The following GAREM1 variants were observed in gnomAD, a reference collection of about 807,000 sequenced individuals.
The protein encoded by GAREM1 is GRB2-associated and regulator of MAPK protein 1.
GAREM1 carries 26 observed loss-of-function variants against 71.3 expected under a neutral mutation model. The ratio of observed to expected loss-of-function variants is 0.36; its 90% CI spans 0.27 to 0.51. GAREM1 has a LOEUF of 0.51. Ranked by LOEUF, GAREM1 falls within the 20% of genes least tolerant of loss-of-function variation. GAREM1 has a pLI of 0.95. For missense variants in GAREM1, 1,026 were observed against 1,103.1 expected (o/e 0.93, Z 0.99); for synonymous variants, 440 against 433.2 (o/e 1.02, Z -0.20).
chr18:32,451,904 C>A (rs892636751), intron 1 of GAREM1, among the ~76,000 whole-genome samples: 1 of 152,190 alleles, frequency 6.6e-6, no homozygotes, highest in Non-Finnish European at 1.5e-5. Context: ...GATGCAGTGA[C>A]AGAGCCAGCT....
At chr18:32,339,314 G>A (rs1274708888) in intron 2 of GAREM1, among the ~76,000 whole-genome samples, 1 of 152,158 alleles carries the variant, frequency 6.6e-6, no homozygotes, top group African/African-American at 2.4e-5. Context: ...TAAGTGCCTG[G>A]AAGAAGCACA....
At chr18:32,450,072 A>T (rs1442665841) in intron 1 of GAREM1, among the ~76,000 whole-genome samples, 1 of 152,206 alleles carries the variant, frequency 6.6e-6, no homozygotes, top group Non-Finnish European at 1.5e-5. Context: ...TGCAGCTATA[A>T]AAAGAATATT....
intron 3 of GAREM1, among the ~76,000 whole-genome samples, chr18:32,309,808 CTT>C (rs2047296710): frequency 6.6e-6 from 1 of 152,050 alleles, no homozygotes; most frequent in African/African-American, 2.4e-5. Context: ...TTTTTCCTCT[CTT>C]TCTTTCTTTT....
chr18:32,433,455 A>G (rs1175315654), intron 1 of GAREM1, among the ~76,000 whole-genome samples: 2 of 151,832 alleles, frequency 1.3e-5, no homozygotes, highest in Admixed American at 6.6e-5. Context: ...GACAAAAAAA[A>G]AAAGAAATTA....
intron 4 of GAREM1, among the ~76,000 whole-genome samples, chr18:32,273,735 AAG>A (rs141502703): frequency 8.0e-5 from 12 of 150,826 alleles, no homozygotes; most frequent in African/African-American, 2.7e-4. Flanking sequence ...GAGAGAAAGA[AAG>A]AGAGAGAGAG....
At chr18:32,320,163 C>T (rs1167058715) in intron 2 of GAREM1, among the ~76,000 whole-genome samples, 3 of 152,164 alleles carry the variant, frequency 2.0e-5, no homozygotes, top group African/African-American at 7.2e-5. Flanking sequence ...CATTACCAAA[C>T]TGAAAAATTA....
intron 1 of GAREM1, among the ~76,000 whole-genome samples, chr18:32,439,156 C>T (rs2048710707): frequency 1.3e-5 from 2 of 152,210 alleles, no homozygotes; most frequent in African/African-American, 2.4e-5. Context: ...TCAAGACAAA[C>T]ACCAAGACCG....
chr18:32,437,132 T>C (rs935892177), intron 1 of GAREM1, among the ~76,000 whole-genome samples: 4 of 152,154 alleles, frequency 2.6e-5, no homozygotes, highest in Non-Finnish European at 5.9e-5. Context: ...AATGGGCAAC[T>C]AGCAAGTATA....
At chr18:32,335,252 CA>C (rs1408698373) in intron 2 of GAREM1, among the ~76,000 whole-genome samples, 1 of 152,194 alleles carries the variant, frequency 6.6e-6, no homozygotes, top group East Asian at 1.9e-4. Context: ...TCCAAAGAAT[CA>C]TAGAATGCTA....
At chr18:32,408,855 T>C (rs1305723382) in intron 1 of GAREM1, among the ~76,000 whole-genome samples, 1 of 152,180 alleles carries the variant, frequency 6.6e-6, no homozygotes, top group African/African-American at 2.4e-5. Flanking sequence ...ATATTTTTGT[T>C]CCTGGAAAAC....
intron 1 of GAREM1, among the ~76,000 whole-genome samples, chr18:32,441,367 T>C (rs1428031441): frequency 6.6e-6 from 1 of 152,122 alleles, no homozygotes; most frequent in African/African-American, 2.4e-5. Flanking sequence ...TCAGCTGCGG[T>C]TGTTATGAGG....
At chr18:32,307,280 C>T (rs1348180792) in intron 3 of GAREM1, among the ~76,000 whole-genome samples, 1 of 152,032 alleles carries the variant, frequency 6.6e-6, no homozygotes, top group Non-Finnish European at 1.5e-5. Flanking sequence ...AAGTGCTTTT[C>T]TCAGTGGTTT....
At chr18:32,446,249 T>TGTGTGTGTGTGTGTGTGC (rs141510183) in intron 1 of GAREM1, among the ~76,000 whole-genome samples, 4 of 151,860 alleles carry the variant, frequency 2.6e-5, no homozygotes, top group African/African-American at 9.7e-5. Context: ...TGTGTGTGTG[T>TGTGTGTGTGTGTGTGTGC]GTGTATAACA....
rs2048220009 is a variant in GAREM1 at position 32,393,195 on chromosome 18, T to TA, written c.122-161_122-160insT. 2.0e-5 allele frequency among the ~76,000 whole-genome samples: 3 copies of TA among 150,294 alleles called. No individual in the cohort carries two copies. The South Asian group carries it at 6.4e-4, about 32-fold the overall frequency. Reference sequence around the variant, plus strand: ...CCTCTGAATTGTTTTTTTTTTTTTTTTAAAAAAGGGTATTCCACACCAAGC... The same window carrying TA: ...CCTCTGAATTGTTTTTTTTTTTTTTTATAAAAAAGGGTATTCCACACCAAGC... On this transcript the variant is annotated intron_variant, in intron 1 of 5. Transcript: ENST00000269209.
chr18:32,338,487 T>C (rs934975208), intron 2 of GAREM1, among the ~76,000 whole-genome samples: 2 of 152,202 alleles, frequency 1.3e-5, no homozygotes, highest in African/African-American at 2.4e-5. Context: ...GAAATGCTTA[T>C]TTTCTGTGTG....
rs72931868 is a variant in GAREM1, at chr18:32,269,501, G to A, written c.1733+716C>T. Among the ~76,000 whole-genome samples the A allele has an allele frequency of 4.0e-3, 607 of 152,266 alleles. 2 individuals are homozygous for A. Among genetic ancestry groups the A allele is most frequent in the Non-Finnish European group, 7.0e-3 (474 of 68,014 alleles). On this transcript the variant is annotated intron_variant, in intron 5 of 5. Transcript: ENST00000269209. ...GATGTCGGGGAAACAGTAGAGGGAC[G>A]CAAGGATGTTTCTTTTGGAGAAGAG...
chr18:32,325,704 C>A (rs668857), intron 2 of GAREM1, among the ~76,000 whole-genome samples: 43,426 of 152,052 alleles, frequency 0.29, 7,878 homozygotes, highest in African/African-American at 0.52. Flanking sequence ...TCGTTTTGCT[C>A]CCAAATCTTT....
intron 3 of GAREM1, among the ~76,000 whole-genome samples, chr18:32,296,108 A>G (rs967643552): frequency 2.6e-5 from 4 of 151,890 alleles, no homozygotes; most frequent in Non-Finnish European, 5.9e-5. Flanking sequence ...GACTACAGGC[A>G]CGCGGCACCA....
intron 1 of GAREM1, among the ~76,000 whole-genome samples, chr18:32,439,681 A>G (rs2048715091): frequency 6.6e-6 from 1 of 151,944 alleles, no homozygotes; most frequent in Non-Finnish European, 1.5e-5. Flanking sequence ...CTTTTTTAAA[A>G]GTGGGGTTAT....
Sources: allele counts gnomAD v4.1 joint callset (sites outside exome capture counted in the v4.1 genomes callset), GRCh38; gene constraint gnomAD v4.1.1; transcripts MANE v1.5; gene names NCBI Gene and HGNC (gene_info 2026-07-23, HGNC 2026-07-21).